Variants in DLC1 observed in about 807,000 individuals in gnomAD.
DLC1 encodes rho GTPase-activating protein 7.
Under a neutral mutation model 140.3 loss-of-function variants are expected in DLC1, and 54 were observed. The observed-to-expected ratio is 0.38, with a 90% confidence interval of 0.31 to 0.48. The LOEUF (loss-of-function observed/expected upper bound fraction) is 0.48, where lower values mean the gene tolerates loss of function less well. DLC1 is among the 20% of genes least tolerant of loss of function. The pLI is 0.96. For synonymous variants in DLC1, 986 were observed against 728.1 expected, an observed-to-expected ratio of 1.35 and a Z score of -5.70; for missense variants, 2,536 against 1,907.0, an observed-to-expected ratio of 1.33 and a Z score of -6.14.
At chr8:13,561,274 G>A (rs1804233470) in intron 1 of DLC1, among the ~76,000 whole-genome samples, 1 of 151,802 alleles carries the variant, frequency 6.6e-6, no homozygotes, top group Admixed American at 6.6e-5. Flanking sequence ...TGCACACCTG[G>A]CTAAGCAACT....
At chr8:13,323,000 A>G (rs2116911780) in intron 4 of DLC1, among the ~76,000 whole-genome samples, 1 of 152,346 alleles carries the variant, frequency 6.6e-6, no homozygotes, top group African/African-American at 2.4e-5. Context: ...CCTGTGGGTC[A>G]CATGGCAAGG....
chr8:13,196,242 T>G (rs1346759299), intron 5 of DLC1, among the ~76,000 whole-genome samples: 5 of 152,148 alleles, frequency 3.3e-5, no homozygotes, highest in Non-Finnish European at 7.4e-5. Context: ...AATAATTTAT[T>G]TCTTTATGTA....
In DLC1 at chr8:13,167,821, A is replaced by T. The variant is rs557774054; in HGVS notation, c.1349-52164T>A. Among the ~76,000 whole-genome samples the T allele has an allele frequency of 6.6e-5, 10 of 152,334 alleles. No homozygotes were observed. The South Asian group carries it at 2.1e-3, about 32-fold the overall frequency. ...TAGCCTTAAGTAACTCCAACTGGGA[A>T]GTATAACTCACATTTGTTATTTTAT... On this transcript the variant is annotated intron_variant, in intron 5 of 17. Transcript: ENST00000276297.
At chr8:13,426,625 G>A (rs771359664) in intron 2 of DLC1, among the ~76,000 whole-genome samples, 9 of 152,070 alleles carry the variant, frequency 5.9e-5, no homozygotes, top group African/African-American at 9.7e-5. Flanking sequence ...AAGTGTCCTC[G>A]TCTTTAAGCA....
intron 2 of DLC1, among the ~76,000 whole-genome samples, chr8:13,462,674 G>A (rs948988979): frequency 6.6e-6 from 1 of 152,080 alleles, no homozygotes; most frequent in African/African-American, 2.4e-5. Context: ...CCAAAGTGCT[G>A]GGATTACAGG....
intron 1 of DLC1, among the ~76,000 whole-genome samples, chr8:13,552,870 A>G (rs1803912825): frequency 6.6e-6 from 1 of 151,950 alleles, no homozygotes; most frequent in African/African-American, 2.4e-5. Context: ...CATAAACTAA[A>G]TCTTTTCTAG....
At chr8:13,388,141 C>T (rs1283423470) in intron 4 of DLC1, among the ~76,000 whole-genome samples, 1 of 151,966 alleles carries the variant, frequency 6.6e-6, no homozygotes, top group Non-Finnish European at 1.5e-5. Flanking sequence ...TCCCTTGTGG[C>T]TAATTCATCA....
intron 1 of DLC1, among the ~76,000 whole-genome samples, chr8:13,544,422 GAGGTTA>G (rs1803588705): frequency 1.3e-5 from 2 of 152,134 alleles, no homozygotes; most frequent in Admixed American, 1.3e-4. Context: ...ATTTGGTTAT[GAGGTTA>G]ATCTGTACAT....
chr8:13,297,220 G>A (rs1831990951), intron 5 of DLC1, among the ~76,000 whole-genome samples: 1 of 119,786 alleles, frequency 8.3e-6, no homozygotes, highest in Non-Finnish European at 1.6e-5. Flanking sequence ...GAGAAGTTAT[G>A]TGTGGGCATA....
intron 1 of DLC1, among the ~76,000 whole-genome samples, chr8:13,550,073 G>C (rs1803793532): frequency 6.6e-6 from 1 of 152,060 alleles, no homozygotes; most frequent in Admixed American, 6.6e-5. Context: ...CTTACAATAG[G>C]CTAGAGAGAC....
intron 2 of DLC1, among the ~76,000 whole-genome samples, chr8:13,468,736 T>C (rs149283801): frequency 1.0e-3 from 157 of 151,930 alleles, no homozygotes; most frequent in African/African-American, 3.6e-3. Context: ...GGTTGACATA[T>C]TCATTTATCT....
chr8:13,448,527 T>C (rs1452935680), intron 2 of DLC1, among the ~76,000 whole-genome samples: 2 of 152,080 alleles, frequency 1.3e-5, no homozygotes, highest in African/African-American at 4.8e-5. Context: ...CACACCCGGC[T>C]AATTTTTGTA....
At chr8:13,128,821 A>AG (rs1821820979) in intron 5 of DLC1, among the ~76,000 whole-genome samples, 4 of 149,694 alleles carry the variant, frequency 2.7e-5, no homozygotes, top group African/African-American at 5.0e-5. Context: ...GGCGACAGAG[A>AG]GAGACTCCGT....
chr8:13,225,772 C>T (rs540954661), intron 5 of DLC1, among the ~76,000 whole-genome samples: 28 of 152,044 alleles, frequency 1.8e-4, no homozygotes, highest in East Asian at 5.8e-4. Flanking sequence ...CCCGCCACCA[C>T]GCCCGGCTAA....
chr8:13,256,310 T>G (rs534316622), intron 5 of DLC1, among the ~76,000 whole-genome samples: 3 of 152,322 alleles, frequency 2.0e-5, no homozygotes, highest in African/African-American at 7.2e-5. Flanking sequence ...ACAATGACTT[T>G]TCTTGTCACT....
intron 2 of DLC1, among the ~76,000 whole-genome samples, chr8:13,483,798 C>G (rs764643193): frequency 6.6e-6 from 1 of 151,990 alleles, no homozygotes; most frequent in Non-Finnish European, 1.5e-5. Flanking sequence ...AAGATAATCT[C>G]GGGCGGGGTG....
intron 2 of DLC1, among the ~76,000 whole-genome samples, chr8:13,441,119 C>G (rs759242522): frequency 6.0e-4 from 92 of 152,312 alleles, no homozygotes; most frequent in Non-Finnish European, 1.1e-3. Context: ...ACATTTAAAA[C>G]TGCCCAGATG....
chr8:13,540,036 C>T (rs62492087), intron 1 of DLC1, among the ~76,000 whole-genome samples: 18,481 of 152,104 alleles, frequency 0.12, 1,303 homozygotes, highest in Non-Finnish European at 0.14. Context: ...CAGCACAAAA[C>T]AGAAATAAAT....
At chr8:13,356,234 A>G (rs1367558403) in intron 4 of DLC1, among the ~76,000 whole-genome samples, 1 of 151,636 alleles carries the variant, frequency 6.6e-6, no homozygotes, top group African/African-American at 2.4e-5. Context: ...CAACTTCTAT[A>G]TTTCCTCTTG....
Sources: allele counts gnomAD v4.1 joint callset (sites outside exome capture counted in the v4.1 genomes callset), GRCh38; gene constraint gnomAD v4.1.1; transcripts MANE v1.5; gene names NCBI Gene and HGNC (gene_info 2026-07-23, HGNC 2026-07-21).